The following TSHZ2 variants were observed in gnomAD, a reference collection of about 807,000 sequenced individuals.
The protein encoded by TSHZ2 is teashirt zinc finger homeobox 2.
In TSHZ2, 21 loss-of-function variants were observed where a neutral mutation model predicts 74.4. The ratio of observed to expected loss-of-function variants is 0.28; its 90% CI spans 0.20 to 0.41. The LOEUF (loss-of-function observed/expected upper bound fraction) is 0.41, where lower values mean the gene tolerates loss of function less well. TSHZ2 is among the 10% of genes least tolerant of loss of function. TSHZ2 has a pLI of 1.00. For synonymous variants in TSHZ2, 540 were observed against 515.3 expected, an observed-to-expected ratio of 1.05 and a Z score of -0.65; for missense variants, 1,244 against 1,293.5, an observed-to-expected ratio of 0.96 and a Z score of 0.59.
At chr20:53,039,281 TC>T (rs1489223037) in intron 1 of TSHZ2, among the ~76,000 whole-genome samples, 1 of 144,710 alleles carries the variant, frequency 6.9e-6, no homozygotes, top group East Asian at 2.2e-4. Context: ...TACTCCCTGT[TC>T]CCAGCCATCC....
intron 2 of TSHZ2, among the ~76,000 whole-genome samples, chr20:53,444,854 T>C (rs1984489800): frequency 1.3e-5 from 2 of 152,222 alleles, no homozygotes; most frequent in African/African-American, 4.8e-5. Context: ...GGTTTTATTT[T>C]GCCACTTGGC....
At position 53,050,101 on chromosome 20, in the gene TSHZ2, GTGTATATATATA is replaced by G. The variant is rs1414115881; in HGVS notation, c.40+76770_40+76781del. Among the ~76,000 whole-genome samples the G allele has an allele frequency of 5.3e-4, 32 of 60,454 alleles. No individual in the cohort carries two copies. The South Asian group carries it at 7.4e-3, about 14-fold the overall frequency. 39.7% of individuals were successfully genotyped at this position (60,454 alleles called of 152,430 possible). A position where few individuals can be genotyped will look rare whatever the true frequency, so the allele number is the denominator to read the frequency against. On this transcript the variant is annotated intron_variant, in intron 1 of 2. Coordinates refer to ENST00000371497, the MANE Select transcript of TSHZ2 (RefSeq NM_173485.6). Reference sequence around the variant, plus strand: ...ATCTCAAAAAAAAAAATGTATATGTGTGTATATATATATATATATATATACACATATATATAT... The same window carrying G: ...ATCTCAAAAAAAAAAATGTATATGTGTATATATATATACACATATATATAT...
intron 1 of TSHZ2, among the ~76,000 whole-genome samples, chr20:53,022,694 A>G (rs1366802892): frequency 6.6e-6 from 1 of 152,226 alleles, no homozygotes; most frequent in South Asian, 2.1e-4. Flanking sequence ...TCCCAGGTAT[A>G]CAGACAATAA....
At chr20:53,426,480 A>T (rs1395550429) in intron 2 of TSHZ2, among the ~76,000 whole-genome samples, 1 of 152,046 alleles carries the variant, frequency 6.6e-6, no homozygotes, top group Non-Finnish European at 1.5e-5. Flanking sequence ...AGTTACGGTG[A>T]TCACAATTTT....
chr20:53,001,003 C>G (rs1197426151), intron 1 of TSHZ2, among the ~76,000 whole-genome samples: 1 of 152,064 alleles, frequency 6.6e-6, no homozygotes, highest in Non-Finnish European at 1.5e-5. Context: ...CTGAGAGGCT[C>G]TCTAGTTCAG....
At chr20:53,402,217 G>A (rs763750286) in intron 2 of TSHZ2, among the ~76,000 whole-genome samples, 4 of 152,200 alleles carry the variant, frequency 2.6e-5, no homozygotes, top group Non-Finnish European at 5.9e-5. Flanking sequence ...TTCCCCTGTA[G>A]TGGGAGTGCT....
chr20:53,469,149 C>A (rs1985674826), intron 2 of TSHZ2, among the ~76,000 whole-genome samples: 1 of 143,530 alleles, frequency 7.0e-6, no homozygotes, highest in Non-Finnish European at 1.5e-5. Flanking sequence ...TAGGTCACTT[C>A]AAGTCTCTAA....
chr20:53,469,622 G>A (rs1383094117), intron 2 of TSHZ2, among the ~76,000 whole-genome samples: 3 of 104,456 alleles, frequency 2.9e-5, no homozygotes, highest in African/African-American at 8.2e-5. Flanking sequence ...GATAGAGAGG[G>A]AGGAAGGGAG....
chr20:53,175,470 C>G (rs553311678), intron 1 of TSHZ2, among the ~76,000 whole-genome samples: 3 of 152,076 alleles, frequency 2.0e-5, no homozygotes, highest in African/African-American at 7.2e-5. Flanking sequence ...CTGCCTTGGC[C>G]CTTGGTGGTT....
At chr20:53,126,765 C>T (rs567312545) in intron 1 of TSHZ2, among the ~76,000 whole-genome samples, 10 of 152,160 alleles carry the variant, frequency 6.6e-5, no homozygotes, top group East Asian at 1.9e-4. Flanking sequence ...GTCTATAGCG[C>T]GAGGTAGTCA....
chr20:53,155,052 ATTTTTTTTTTTTTT>A (rs11475183), intron 1 of TSHZ2, among the ~76,000 whole-genome samples: 1 of 118,100 alleles, frequency 8.5e-6, no homozygotes, highest in Non-Finnish European at 1.7e-5. Context: ...TTGAATATGC[ATTTTTTTTTTTTTT>A]TTTTTTTTTA....
intron 1 of TSHZ2, among the ~76,000 whole-genome samples, chr20:53,048,490 G>A (rs1298507654): frequency 1.3e-5 from 2 of 152,160 alleles, no homozygotes; most frequent in South Asian, 2.1e-4. Context: ...TCCACGTTCC[G>A]TGCAATCCAT....
At chr20:53,165,107 G>A (rs1207671434) in intron 1 of TSHZ2, among the ~76,000 whole-genome samples, 2 of 152,034 alleles carry the variant, frequency 1.3e-5, no homozygotes, top group African/African-American at 4.8e-5. Context: ...ATGGATGGAT[G>A]GATGGATGGA....
chr20:53,409,133 C>T (rs993895291), intron 2 of TSHZ2, among the ~76,000 whole-genome samples: 31 of 152,020 alleles, frequency 2.0e-4, no homozygotes, highest in Admixed American at 8.5e-4. Flanking sequence ...AAATGCCAAA[C>T]GCTATAACAG....
At chr20:53,383,797 C>CA (rs1182202159) in intron 2 of TSHZ2, among the ~76,000 whole-genome samples, 9 of 151,630 alleles carry the variant, frequency 5.9e-5, no homozygotes, top group South Asian at 2.1e-4. Context: ...ATTGTTATTA[C>CA]AAAAAAAAGC....
At chr20:53,177,045 A>G (rs1270570636) in intron 1 of TSHZ2, among the ~76,000 whole-genome samples, 1 of 151,940 alleles carries the variant, frequency 6.6e-6, no homozygotes, top group Non-Finnish European at 1.5e-5. Flanking sequence ...TATTGTAGAA[A>G]TTTTTTGTTA....
Position 53,200,102 on chromosome 20 carries a change from A to G in TSHZ2, c.41-53397A>G, listed in dbSNP as rs1406891684. Among the ~76,000 whole-genome samples, 5 of 152,318 alleles carry G rather than the reference A, an allele frequency of 3.3e-5. No homozygotes were observed. In the East Asian group the frequency reaches 9.6e-4, roughly 29 times the overall value. ...CAAGAACATATTATGGAACACCAAG[A>G]CGCTTTGCCAGGGATTGGGTGCGAT... On this transcript the variant is annotated intron_variant, in intron 1 of 2. Coordinates refer to ENST00000371497, the MANE Select transcript of TSHZ2 (RefSeq NM_173485.6).
intron 2 of TSHZ2, among the ~76,000 whole-genome samples, chr20:53,441,321 A>G (rs956673724): frequency 4.6e-5 from 7 of 150,750 alleles, no homozygotes; most frequent in Admixed American, 6.6e-5. Flanking sequence ...GCTGGAGTGC[A>G]GTGGCACGAT....
intron 1 of TSHZ2, among the ~76,000 whole-genome samples, chr20:52,982,839 A>G (rs996273150): frequency 5.3e-5 from 8 of 152,174 alleles, no homozygotes; most frequent in African/African-American, 1.9e-4. Flanking sequence ...AAAAAAAGTG[A>G]GAGACTAGCC....
Sources: gnomAD v4.1 joint callset for allele counts (sites outside exome capture counted in the v4.1 genomes callset) on GRCh38, gnomAD v4.1.1 for gene constraint, MANE v1.5 for transcripts, NCBI Gene and HGNC (gene_info 2026-07-23, HGNC 2026-07-21) for gene names.